Variants in PIEZO2 observed in about 807,000 individuals in gnomAD.
PIEZO2 encodes the protein piezo type mechanosensitive ion channel component 2.
Under a neutral mutation model 337.3 loss-of-function variants are expected in PIEZO2, and 172 were observed. That is an observed-to-expected ratio of 0.51 (90% CI 0.45 to 0.58). The LOEUF is 0.58. Among genes scored for constraint, PIEZO2 ranks in the 20% least tolerant of loss-of-function variants. The pLI, the probability that PIEZO2 is intolerant of heterozygous loss-of-function variation, is 0.00. For missense variants in PIEZO2, 3,028 were observed against 3,391.3 expected, an observed-to-expected ratio of 0.89 and a Z score of 2.66; for synonymous variants, 1,251 against 1,228.5, an observed-to-expected ratio of 1.02 and a Z score of -0.38.
intron 7 of PIEZO2, among the ~76,000 whole-genome samples, chr18:10,832,168 G>A (rs1223798973): frequency 2.0e-5 from 3 of 151,980 alleles, no homozygotes; most frequent in African/African-American, 7.3e-5. Flanking sequence ...TGTGGTAGTG[G>A]GCACCTGTAA....
intron 3 of PIEZO2, among the ~76,000 whole-genome samples, chr18:10,941,072 T>G (rs541835083): frequency 2.3e-4 from 35 of 152,164 alleles, no homozygotes; most frequent in African/African-American, 7.9e-4. Flanking sequence ...GTCTCAAAAT[T>G]TAAACATCTT....
In PIEZO2 at chr18:11,032,124, A is replaced by G. The variant is rs1353198483; in HGVS notation, c.160+34003T>C. ...TACATGGCCCCAATCATGCTATTTGAATTGAGTAACAAACTATGAAGTGAA... is the reference window on the plus strand; with the variant it reads ...TACATGGCCCCAATCATGCTATTTGGATTGAGTAACAAACTATGAAGTGAA... On this transcript the variant is annotated intron_variant, in intron 2 of 55. Coordinates refer to ENST00000674853, the MANE Select transcript of PIEZO2 (RefSeq NM_001378183.1). The surrounding 1 kb of genome is among the most constrained non-coding windows in gnomAD (Gnocchi z 4.9). Among the ~76,000 whole-genome samples the G allele has an allele frequency of 6.6e-6, 1 of 152,208 alleles. No individual in the cohort carries two copies. Among genetic ancestry groups the G allele is most frequent in the Non-Finnish European group, 1.5e-5 (1 of 68,036 alleles).
intron 14 of PIEZO2, among the ~76,000 whole-genome samples, chr18:10,790,360 C>T (rs771626256): frequency 6.6e-6 from 1 of 152,138 alleles, no homozygotes; most frequent in Non-Finnish European, 1.5e-5. Context: ...TTTCTAGGCT[C>T]CTTTTCACAG....
intron 1 of PIEZO2, among the ~76,000 whole-genome samples, chr18:11,123,051 T>C (rs189226181): frequency 5.3e-4 from 80 of 152,192 alleles, no homozygotes; most frequent in African/African-American, 1.7e-3. Flanking sequence ...ATGAACATAT[T>C]TGAATCTATT....
At position 10,854,978 on chromosome 18, in the gene PIEZO2, C is replaced by G. The variant is rs1352242038; in HGVS notation, c.917+375G>C. Among the ~76,000 whole-genome samples, 5 of 152,118 alleles carry G rather than the reference C, an allele frequency of 3.3e-5. No individual in the cohort carries two copies. The highest frequency in any genetic ancestry group is 1.2e-4 in the African/African-American group (5 of 41,430). On this transcript the variant is annotated intron_variant, in intron 7 of 55. Coordinates refer to ENST00000674853, the MANE Select transcript of PIEZO2 (RefSeq NM_001378183.1). This position sits in a 1 kb window ranked among gnomAD's most constrained non-coding sequence, Gnocchi z 4.6. Reference sequence around the variant, plus strand: ...TAATGTTTCTGACGCTTAATTTGTTCTCGTATATTAGGCCCATGAAACGCC... The same window carrying G: ...TAATGTTTCTGACGCTTAATTTGTTGTCGTATATTAGGCCCATGAAACGCC...
intron 15 of PIEZO2, among the ~76,000 whole-genome samples, chr18:10,788,484 G>A (rs1307452530): frequency 8.0e-6 from 1 of 124,704 alleles, no homozygotes; most frequent in Non-Finnish European, 1.7e-5. Flanking sequence ...GGAAGAAATA[G>A]AAATGTAATT....
chr18:11,006,740 G>C (rs1034558200), intron 2 of PIEZO2, among the ~76,000 whole-genome samples: 3 of 151,500 alleles, frequency 2.0e-5, no homozygotes, highest in African/African-American at 7.3e-5. Flanking sequence ...TTCCTTCTTT[G>C]GTATATGAAT....
chr18:11,034,487 G>A (rs1023082932), intron 2 of PIEZO2, among the ~76,000 whole-genome samples: 7 of 152,012 alleles, frequency 4.6e-5, no homozygotes, highest in Admixed American at 1.3e-4. Flanking sequence ...TAGAGATGGG[G>A]TTTCGCCGTG....
rs2036568762 is a variant in PIEZO2, at chr18:10,726,934, G to T, written c.5029+4473C>A. On this transcript the variant is annotated intron_variant, in intron 36 of 55. Coordinates refer to ENST00000674853, the MANE Select transcript of PIEZO2 (RefSeq NM_001378183.1). This position sits in a 1 kb window ranked among gnomAD's most constrained non-coding sequence, Gnocchi z 5.9. ...GGCGGAGCTGGGTCGCCTGCTGCCC[G>T]ACTGATGTAGGTTGAGGGCTGCAGA... 6.5e-7 allele frequency: 1 copy of T among 1,531,010 alleles called. No individual in the cohort carries two copies. The highest frequency in any genetic ancestry group is 8.9e-7 in the Non-Finnish European group (1 of 1,127,982). The allele number at this position is 1,531,010 out of a possible 1,614,324, so 94.8% of individuals were successfully genotyped here. A position where few individuals can be genotyped will look rare whatever the true frequency, so the allele number is the denominator to read the frequency against.
rs2041506170 is a variant in PIEZO2, at chr18:10,850,317, A to C, written c.917+5036T>G. Among the ~76,000 whole-genome samples the C allele has an allele frequency of 6.6e-6, 1 of 152,152 alleles. No homozygotes were observed. Among genetic ancestry groups the C allele is most frequent in the South Asian group, 2.1e-4 (1 of 4,826 alleles). On this transcript the variant is annotated intron_variant, in intron 7 of 55. Coordinates refer to ENST00000674853, the MANE Select transcript of PIEZO2 (RefSeq NM_001378183.1). This position sits in a 1 kb window ranked among gnomAD's most constrained non-coding sequence, Gnocchi z 4.5. The stretch of plus-strand genomic sequence containing the variant: ...AGCCCTGTGCCACACATCGGCGTGG[A>C]ATTTCAGTTTATACCATATGCATGG...
rs1416413409 is a variant in PIEZO2, at chr18:10,760,943, T to C, written c.3418A>G (p.Ile1140Val). 2.3e-5 allele frequency: 36 copies of C among 1,533,630 alleles called. No individual in the cohort carries two copies. The highest frequency in any genetic ancestry group is 3.1e-5 in the Non-Finnish European group (36 of 1,143,992). ...CCAAACTTGTAAAAGAAGTAATTAATGAAATATTTGGCACAATTAATAAGT... is the reference window on the plus strand; with the variant it reads ...CCAAACTTGTAAAAGAAGTAATTAACGAAATATTTGGCACAATTAATAAGT... ...DGLINCAKYF[I>V]NYFFYKFGLE... The change falls in exon 24 of 56, where the codon ATT (isoleucine) becomes GTT (valine). Residue 1140 changes from isoleucine to valine, a missense_variant. Around this residue, in one of 5 missense-constraint regions of PIEZO2, gnomAD observed 1,925 missense variants for 2,051.9 expected, o/e 0.94. Coordinates refer to ENST00000674853, the MANE Select transcript of PIEZO2 (RefSeq NM_001378183.1).
rs926894839 is a variant in PIEZO2, at chr18:11,104,610, C to T, written c.65-38388G>A. Among the ~76,000 whole-genome samples, 1 of 152,324 alleles carries T rather than the reference C, an allele frequency of 6.6e-6. No homozygotes were observed. ...CACATGGTCAGCCACATTCTCTTCT[C>T]CCCGTGTCACAAGGTGGGCAGTGCC... On this transcript the variant is annotated intron_variant, in intron 1 of 55. Coordinates refer to ENST00000674853, the MANE Select transcript of PIEZO2 (RefSeq NM_001378183.1). The surrounding 1 kb of genome is among the most constrained non-coding windows in gnomAD (Gnocchi z 4.6).
chr18:10,942,958 G>T lies in PIEZO2; in HGVS notation c.287-31730C>A, dbSNP rs942238764. Reference sequence around the variant, plus strand: ...AGAGCTTGGGCTATGGCATCAGAGGGTGCAAGCTCCAAGCCTTGGCAACTT... The same window carrying T: ...AGAGCTTGGGCTATGGCATCAGAGGTTGCAAGCTCCAAGCCTTGGCAACTT... On this transcript the variant is annotated intron_variant, in intron 3 of 55. Coordinates refer to ENST00000674853, the MANE Select transcript of PIEZO2 (RefSeq NM_001378183.1). This position sits in a 1 kb window ranked among gnomAD's most constrained non-coding sequence, Gnocchi z 4.4. Among the ~76,000 whole-genome samples, 1 of 152,236 alleles carries T rather than the reference G, an allele frequency of 6.6e-6. No individual in the cohort carries two copies. The highest frequency in any genetic ancestry group is 1.5e-5 in the Non-Finnish European group (1 of 68,054).
chr18:10,949,578 C>T (rs977569844), intron 3 of PIEZO2, among the ~76,000 whole-genome samples: 6 of 152,248 alleles, frequency 3.9e-5, no homozygotes, highest in African/African-American at 1.4e-4. Context: ...CCCTGCACCA[C>T]ATTTTTCTAT....
chr18:10,726,912 G>T lies in PIEZO2; in HGVS notation c.5029+4495C>A. ...TGGCCACCAACCGGCTGGATGTGGC[G>T]GAGCTGGGTCGCCTGCTGCCCGACT... is the stretch of plus-strand genomic sequence containing the variant. On this transcript the variant is annotated intron_variant, in intron 36 of 55. Coordinates refer to ENST00000674853, the MANE Select transcript of PIEZO2 (RefSeq NM_001378183.1). The surrounding 1 kb of genome is among the most constrained non-coding windows in gnomAD (Gnocchi z 5.9). The T allele has an allele frequency of 6.3e-7, 1 of 1,575,340 alleles. No homozygotes were observed. The highest frequency in any genetic ancestry group is 8.6e-7 in the Non-Finnish European group (1 of 1,158,084).
chr18:10,878,785 A>G lies in PIEZO2; in HGVS notation c.330-7370T>C, dbSNP rs2144833666. On this transcript the variant is annotated intron_variant, in intron 4 of 55. Transcript: ENST00000674853. The surrounding 1 kb of genome is among the most constrained non-coding windows in gnomAD (Gnocchi z 4.3). Reference sequence around the variant, plus strand: ...CCATACAAAGCTTGGATGTTTTGAAAAAAAAAAAAAATCACATAACCAGAA... The same window carrying G: ...CCATACAAAGCTTGGATGTTTTGAAGAAAAAAAAAAATCACATAACCAGAA... Among the ~76,000 whole-genome samples, 1 of 152,082 alleles carries G rather than the reference A, an allele frequency of 6.6e-6. No individual in the cohort carries two copies. Among genetic ancestry groups the G allele is most frequent in the East Asian group, 1.9e-4 (1 of 5,180 alleles).
At chr18:10,937,753 A>G (rs925657597) in intron 3 of PIEZO2, among the ~76,000 whole-genome samples, 50 of 152,130 alleles carry the variant, frequency 3.3e-4, no homozygotes, top group African/African-American at 4.8e-5. Flanking sequence ...GTCTCTCCTA[A>G]GCAATCCAGG....
At chr18:10,712,504 A>C (rs936900538) in intron 39 of PIEZO2, among the ~76,000 whole-genome samples, 1 of 152,260 alleles carries the variant, frequency 6.6e-6, no homozygotes, top group Admixed American at 6.5e-5. Context: ...CAGTTATAAT[A>C]GCTTTCAAAA....
In PIEZO2 at chr18:10,881,418, T is replaced by G. The variant is rs556030418; in HGVS notation, c.330-10003A>C. 1.9e-4 allele frequency among the ~76,000 whole-genome samples: 29 copies of G among 152,108 alleles called. 1 individual carries two copies. Among genetic ancestry groups the G allele is most frequent in the Admixed American group, 1.0e-3 (16 of 15,276 alleles). ...TGAGGCAGCAGGTCTGTTAAAAGAG[T>G]CCTAACTCCCTGGCCTTGGCGGAGG... On this transcript the variant is annotated intron_variant, in intron 4 of 55. Coordinates refer to ENST00000674853, the MANE Select transcript of PIEZO2 (RefSeq NM_001378183.1).
Sources: gnomAD v4.1 joint callset for allele counts (sites outside exome capture counted in the v4.1 genomes callset) on GRCh38, gnomAD v4.1.1 for gene constraint, gnomAD v4.1.1 regional missense constraint, Gnocchi (gnomAD v3.1) non-coding constraint, MANE v1.5 for transcripts, NCBI Gene and HGNC (gene_info 2026-07-23, HGNC 2026-07-21) for gene names.